The following USP6NL variants were observed in gnomAD, a reference collection of about 807,000 sequenced individuals.
USP6NL encodes USP6 N-terminal-like protein.
USP6NL carries 26 observed loss-of-function variants against 61.9 expected under a neutral mutation model. The ratio of observed to expected loss-of-function variants is 0.42; its 90% CI spans 0.31 to 0.58. The LOEUF (loss-of-function observed/expected upper bound fraction) is 0.58. Ranked by LOEUF, USP6NL falls within the 20% of genes least tolerant of loss-of-function variation. USP6NL has a pLI of 0.16. For missense variants in USP6NL, 1,114 were observed against 1,034.3 expected (o/e 1.08, Z -1.06); for synonymous variants, 432 against 390.1 (o/e 1.11, Z -1.27).
In USP6NL at chr10:11,495,616, G is replaced by T. The variant is rs1426231788; in HGVS notation, c.385-2388C>A. On this transcript the variant is annotated intron_variant, in intron 7 of 14. Transcript: ENST00000609104. This position sits in a 1 kb window ranked among gnomAD's most constrained non-coding sequence, Gnocchi z 4.6. ...ATTAAGTTTTTCATTACTAATATTT[G>T]TTATATTCATAAGCTCTGTTGTTTT... Among the ~76,000 whole-genome samples the T allele has an allele frequency of 6.6e-6, 1 of 151,986 alleles. No homozygotes were observed. The highest frequency in any genetic ancestry group is 2.4e-5 in the African/African-American group (1 of 41,368).
At position 11,525,208 on chromosome 10, in the gene USP6NL, CA is replaced by C. The variant is rs1471410517; in HGVS notation, c.155+177del. Reference sequence around the variant, plus strand: ...AAAATATTAAAAATTATATCTTAAACAGTTAAATTTTAATCACAGAGTTGTT... The same window carrying C: ...AAAATATTAAAAATTATATCTTAAACGTTAAATTTTAATCACAGAGTTGTT... On this transcript the variant is annotated intron_variant, in intron 4 of 14. Transcript: ENST00000609104. This position sits in a 1 kb window ranked among gnomAD's most constrained non-coding sequence, Gnocchi z 5.0. Among the ~76,000 whole-genome samples the C allele has an allele frequency of 6.6e-6, 1 of 152,036 alleles. No homozygotes were observed.
intron 14 of USP6NL, among the ~76,000 whole-genome samples, chr10:11,472,349 A>G (rs543498930): frequency 2.6e-5 from 4 of 152,294 alleles, no homozygotes; most frequent in Non-Finnish European, 5.9e-5. Flanking sequence ...TGGACGCCAC[A>G]CTCAACTACA....
chr10:11,601,004 C>A (rs1838509145), intron 1 of USP6NL, among the ~76,000 whole-genome samples: 1 of 151,884 alleles, frequency 6.6e-6, no homozygotes, highest in African/African-American at 2.4e-5. Context: ...AAACTCTAAC[C>A]AAAAGAGAGA....
intron 2 of USP6NL, among the ~76,000 whole-genome samples, chr10:11,590,374 C>T (rs999867699): frequency 3.3e-5 from 5 of 152,124 alleles, no homozygotes; most frequent in Non-Finnish European, 7.3e-5. Flanking sequence ...CTGATAGCCA[C>T]AAATTCCCTT....
At chr10:11,522,927 T>C (rs1161051763) in intron 4 of USP6NL, among the ~76,000 whole-genome samples, 2 of 152,244 alleles carry the variant, frequency 1.3e-5, no homozygotes, top group Non-Finnish European at 2.9e-5. Flanking sequence ...TGACGCTCAC[T>C]GTCAATACAA....
At chr10:11,554,171 A>T (rs1166954080) in intron 2 of USP6NL, among the ~76,000 whole-genome samples, 1 of 152,202 alleles carries the variant, frequency 6.6e-6, no homozygotes, top group Non-Finnish European at 1.5e-5. Context: ...GTACACACAG[A>T]AGAAAGAGCA....
At position 11,611,527 on chromosome 10, in the gene USP6NL, C is replaced by CGGG. The variant is rs1554750129; in HGVS notation, c.-169_-168insCCC. 1 of 158,820 alleles carries CGGG rather than the reference C, an allele frequency of 6.3e-6. No homozygotes were observed. The highest frequency in any genetic ancestry group is 1.9e-4 in the East Asian group (1 of 5,394). 9.8% of individuals were successfully genotyped at this position (158,820 alleles called of 1,614,324 possible). On this transcript the variant is annotated 5_prime_UTR_variant, in exon 1 of 15. Transcript: ENST00000609104. This position sits in a 1 kb window ranked among gnomAD's most constrained non-coding sequence, Gnocchi z 5.3. ...GCCGAGCAGATCCGGCGCGGCGCGG[C>CGGG]GCGGCGGCGGCGGCGGCTACCGCAG...
chr10:11,563,309 T>C (rs943409868), intron 2 of USP6NL: 2 of 152,084 alleles, frequency 1.3e-5, no homozygotes, highest in African/African-American at 2.4e-5. Context: ...AGAAAGGGCA[T>C]AGCGTTAAGG....
At chr10:11,519,024 C>T (rs1389015147) in intron 4 of USP6NL, among the ~76,000 whole-genome samples, 2 of 152,150 alleles carry the variant, frequency 1.3e-5, no homozygotes, top group Non-Finnish European at 2.9e-5. Context: ...AATATTTAAA[C>T]GGTAAGTATT....
rs992150329 is a variant in USP6NL at position 11,491,197 on chromosome 10, G to A, written c.495-317C>T. ...TAGAAGCAGCTGGCTTGACAGAATGGTGGAATGGCCTTTTGAAGGCTCAGT... is the reference window on the plus strand; with the variant it reads ...TAGAAGCAGCTGGCTTGACAGAATGATGGAATGGCCTTTTGAAGGCTCAGT... On this transcript the variant is annotated intron_variant, in intron 8 of 14. Coordinates refer to ENST00000609104, the MANE Select transcript of USP6NL (RefSeq NM_014688.5). The surrounding 1 kb of genome is among the most constrained non-coding windows in gnomAD (Gnocchi z 4.7). 1.1e-4 allele frequency among the ~76,000 whole-genome samples: 16 copies of A among 152,172 alleles called. No homozygotes were observed. Among genetic ancestry groups the A allele is most frequent in the African/African-American group, 3.4e-4 (14 of 41,438 alleles).
At chr10:11,586,139 T>C (rs11257184) in intron 2 of USP6NL, among the ~76,000 whole-genome samples, 12 of 152,212 alleles carry the variant, frequency 7.9e-5, no homozygotes, top group African/African-American at 2.9e-4. Context: ...ATACAACAGA[T>C]AGCAACTATA....
intron 2 of USP6NL, among the ~76,000 whole-genome samples, chr10:11,593,500 T>C (rs1838222949): frequency 6.6e-6 from 1 of 152,140 alleles, no homozygotes; most frequent in Admixed American, 6.5e-5. Context: ...TGGTTCCATC[T>C]GAGAAAAACA....
Position 11,598,703 on chromosome 10 carries a change from T to C in USP6NL, c.-83-986A>G, listed in dbSNP as rs923755. Among the ~76,000 whole-genome samples the C allele has an allele frequency of 3.3e-3, 500 of 152,322 alleles. 2 individuals are homozygous for C. The highest frequency in any genetic ancestry group is 0.011 in the African/African-American group (464 of 41,576). ...AGGTGATGGTTATTTTCTAAATCAA[T>C]TAAGAAAACAGTATACTACTACTAG... On this transcript the variant is annotated intron_variant, in intron 1 of 14. Transcript: ENST00000609104. The surrounding 1 kb of genome is among the most constrained non-coding windows in gnomAD (Gnocchi z 4.7).
chr10:11,536,444 C>G (rs1216337584), intron 2 of USP6NL, among the ~76,000 whole-genome samples: 1 of 152,176 alleles, frequency 6.6e-6, no homozygotes, highest in African/African-American at 2.4e-5. Context: ...AGCTGCCTCC[C>G]CCATTATCTT....
At position 11,595,356 on chromosome 10, in the gene USP6NL, G is replaced by C. The variant is rs1030860232; in HGVS notation, c.4+2275C>G. Reference sequence around the variant, plus strand: ...AACTGTAAATAAAAGTTTTCCCTAGGAATCAGGGTCAAGAGCCAGGCTCTG... The same window carrying C: ...AACTGTAAATAAAAGTTTTCCCTAGCAATCAGGGTCAAGAGCCAGGCTCTG... On this transcript the variant is annotated intron_variant, in intron 2 of 14. Coordinates refer to ENST00000609104, the MANE Select transcript of USP6NL (RefSeq NM_014688.5). This position sits in a 1 kb window ranked among gnomAD's most constrained non-coding sequence, Gnocchi z 5.3. Among the ~76,000 whole-genome samples the C allele has an allele frequency of 2.6e-5, 4 of 152,332 alleles. No individual in the cohort carries two copies. The South Asian group carries it at 8.3e-4, about 32-fold the overall frequency.
chr10:11,586,018 T>C (rs1181019478), intron 2 of USP6NL, among the ~76,000 whole-genome samples: 2 of 152,208 alleles, frequency 1.3e-5, no homozygotes, highest in Non-Finnish European at 2.9e-5. Context: ...TGCACAACAA[T>C]ATTAATGTAC....
intron 2 of USP6NL, among the ~76,000 whole-genome samples, chr10:11,567,051 C>T (rs1406961500): frequency 6.6e-6 from 1 of 152,212 alleles, no homozygotes; most frequent in Admixed American, 6.5e-5. Context: ...GAGTTCAAGG[C>T]TGCAGTGAAC....
At chr10:11,534,145 T>C (rs1835753086) in intron 2 of USP6NL, among the ~76,000 whole-genome samples, 1 of 152,128 alleles carries the variant, frequency 6.6e-6, no homozygotes, top group African/African-American at 2.4e-5. Flanking sequence ...CCTGTTATGT[T>C]GGTTTAGCCA....
At position 11,585,321 on chromosome 10, in the gene USP6NL, T is replaced by C. The variant is rs1179971689; in HGVS notation, c.4+12310A>G. ...GCAAAATTAAAAAAAAGAATTACAG[T>C]ATGATCCAGCAATTCCACTTCTTGG... On this transcript the variant is annotated intron_variant, in intron 2 of 14. Transcript: ENST00000609104. The surrounding 1 kb of genome is among the most constrained non-coding windows in gnomAD (Gnocchi z 4.5). 6.6e-6 allele frequency among the ~76,000 whole-genome samples: 1 copy of C among 152,106 alleles called. No individual in the cohort carries two copies. Among genetic ancestry groups the C allele is most frequent in the Non-Finnish European group, 1.5e-5 (1 of 68,010 alleles).
Sources: allele counts gnomAD v4.1 joint callset (sites outside exome capture counted in the v4.1 genomes callset), GRCh38; gene constraint gnomAD v4.1.1; non-coding constraint Gnocchi (gnomAD v3.1); transcripts MANE v1.5; gene names NCBI Gene and HGNC (gene_info 2026-07-23, HGNC 2026-07-21).